The following SMARCC1 variants were observed in gnomAD, a reference collection of about 807,000 sequenced individuals.
SMARCC1 encodes SWI/SNF related BAF chromatin remodeling complex subunit C1.
In SMARCC1, 43 loss-of-function variants were observed where a neutral mutation model predicts 147.4. The ratio of observed to expected loss-of-function variants is 0.29; its 90% CI spans 0.23 to 0.38. The LOEUF is 0.38. Among genes scored for constraint, SMARCC1 ranks in the 10% least tolerant of loss-of-function variants. SMARCC1 has a pLI of 1.00. For missense variants in SMARCC1, 1,119 were observed against 1,381.1 expected (o/e 0.81, Z 3.01); for synonymous variants, 495 against 484.4 (o/e 1.02, Z -0.29).
rs921595116 is a variant in SMARCC1, at chr3:47,718,817, C to T, written c.716+1849G>A. ...GACAAGAATGAAATAAATACTAAAA[C>T]TGCTCTACTATAGGTTTAGAAAAAT... On this transcript the variant is annotated intron_variant, in intron 7 of 27. Coordinates refer to ENST00000254480, the MANE Select transcript of SMARCC1 (RefSeq NM_003074.4). Among the ~76,000 whole-genome samples, 4 of 152,168 alleles carry T rather than the reference C, an allele frequency of 2.6e-5. No individual in the cohort carries two copies. In the East Asian group the frequency reaches 7.7e-4, roughly 29 times the overall value.
intron 2 of SMARCC1, among the ~76,000 whole-genome samples, chr3:47,757,561 G>T (rs1399065825): frequency 2.0e-5 from 3 of 152,064 alleles, no homozygotes; most frequent in African/African-American, 7.2e-5. Context: ...TGGATCATGA[G>T]GTCAGGAGAT....
At chr3:47,726,370 T>C (rs1015060788) in intron 6 of SMARCC1, among the ~76,000 whole-genome samples, 6 of 151,260 alleles carry the variant, frequency 4.0e-5, no homozygotes, top group African/African-American at 1.2e-4. Flanking sequence ...AATTTAGCTC[T>C]ACATGGTGGA....
chr3:47,623,611 C>G lies in SMARCC1; in HGVS notation c.2647-1270G>C, dbSNP rs1388417973. ...AAACTACAATGAGCTACATCAATGACACCAAAACTTTAAATAAATATTATG... is the reference window on the plus strand; with the variant it reads ...AAACTACAATGAGCTACATCAATGAGACCAAAACTTTAAATAAATATTATG... On this transcript the variant is annotated intron_variant, in intron 24 of 27. Coordinates refer to ENST00000254480, the MANE Select transcript of SMARCC1 (RefSeq NM_003074.4). 3.9e-5 allele frequency among the ~76,000 whole-genome samples: 6 copies of G among 152,100 alleles called. No homozygotes were observed. In the East Asian group the frequency reaches 9.6e-4, roughly 24 times the overall value.
intron 4 of SMARCC1, 148 bp downstream of exon 4, chr3:47,737,881 C>T (rs1190093024): frequency 1.7e-5 from 6 of 350,584 alleles, no homozygotes; most frequent in African/African-American, 2.3e-5. Flanking sequence ...CCAGGATGGT[C>T]TCGATCTCCT....
At chr3:47,620,868 C>G (rs915766634) in intron 25 of SMARCC1, among the ~76,000 whole-genome samples, 3 of 152,216 alleles carry the variant, frequency 2.0e-5, no homozygotes, top group African/African-American at 4.8e-5. Flanking sequence ...AAGAAAATCT[C>G]TGAACACTTA....
intron 19 of SMARCC1, among the ~76,000 whole-genome samples, chr3:47,663,123 A>AAGGG (rs1245695093): frequency 2.8e-5 from 3 of 105,526 alleles, no homozygotes; most frequent in East Asian, 3.9e-4. Context: ...GGAGGGAAGG[A>AAGGG]AGGGAGGGAG....
intron 19 of SMARCC1, among the ~76,000 whole-genome samples, chr3:47,667,745 C>T (rs1293355975): frequency 1.3e-5 from 2 of 152,104 alleles, no homozygotes; most frequent in African/African-American, 4.8e-5. Context: ...GGCATGGTGG[C>T]GCGTGCCTGT....
At chr3:47,597,088 T>G (rs1272905103) in intron 26 of SMARCC1, among the ~76,000 whole-genome samples, 1 of 148,830 alleles carries the variant, frequency 6.7e-6, no homozygotes, top group South Asian at 2.1e-4. Context: ...GAGGCAGGAG[T>G]TGCAGTGAGC....
At chr3:47,679,340 G>A (rs1404344931) in intron 15 of SMARCC1, among the ~76,000 whole-genome samples, 1 of 152,058 alleles carries the variant, frequency 6.6e-6, no homozygotes, top group Non-Finnish European at 1.5e-5. Flanking sequence ...TGAATCACCA[G>A]GGAAAGACAA....
At chr3:47,720,770 GA>G in intron 6 of SMARCC1, 35 bp from the exon 7 acceptor site, 1 of 1,404,226 alleles carries the variant, frequency 7.1e-7, no homozygotes, top group South Asian at 1.2e-5. Context: ...TACTCAAACT[GA>G]CAAAATAATA....
At chr3:47,631,940 C>G (rs1332946062) in intron 24 of SMARCC1, among the ~76,000 whole-genome samples, 1 of 152,156 alleles carries the variant, frequency 6.6e-6, no homozygotes, top group Non-Finnish European at 1.5e-5. Context: ...CTGAAGGGTT[C>G]ACATGTGCCA....
intron 24 of SMARCC1, among the ~76,000 whole-genome samples, chr3:47,634,492 T>C (rs2032942339): frequency 6.6e-6 from 1 of 152,228 alleles, no homozygotes; most frequent in Non-Finnish European, 1.5e-5. Flanking sequence ...TGATTAGCAA[T>C]GTTCTAGTAA....
At chr3:47,731,551 G>A (rs975039217) in intron 5 of SMARCC1, among the ~76,000 whole-genome samples, 1 of 152,126 alleles carries the variant, frequency 6.6e-6, no homozygotes, top group African/African-American at 2.4e-5. Flanking sequence ...ACTAACTATA[G>A]CAGCTCTATC....
chr3:47,630,712 C>A lies in SMARCC1; in HGVS notation c.2646+4478G>T, dbSNP rs78985724. Among the ~76,000 whole-genome samples, 630 of 152,286 alleles carry A rather than the reference C, an allele frequency of 4.1e-3. 2 individuals carry two copies. Among genetic ancestry groups the A allele is most frequent in the African/African-American group, 0.015 (608 of 41,558 alleles). On this transcript the variant is annotated intron_variant, in intron 24 of 27. Transcript: ENST00000254480. ...CTTAGTGTAAATCAATTTCAATCAA[C>A]CCCTGTCCGTTAATACCTTGTGACT...
chr3:47,658,292 C>A (rs2033289746), intron 21 of SMARCC1, among the ~76,000 whole-genome samples: 1 of 152,178 alleles, frequency 6.6e-6, no homozygotes, highest in Admixed American at 6.5e-5. Context: ...ATGTAATTCA[C>A]ATAATATAAA....
chr3:47,596,967 A>T (rs1265635574), intron 26 of SMARCC1, among the ~76,000 whole-genome samples: 1 of 151,826 alleles, frequency 6.6e-6, no homozygotes, highest in African/African-American at 2.4e-5. Flanking sequence ...AGGCCGAGGC[A>T]GGCAGATGAC....
chr3:47,658,834 T>G (rs2033297637), intron 21 of SMARCC1, among the ~76,000 whole-genome samples: 1 of 152,120 alleles, frequency 6.6e-6, no homozygotes, highest in Admixed American at 6.6e-5. Context: ...AGAGACAGAA[T>G]GAGGGCTAGG....
intron 26 of SMARCC1, among the ~76,000 whole-genome samples, chr3:47,592,424 CT>C: frequency 6.6e-6 from 1 of 152,274 alleles, no homozygotes; most frequent in Non-Finnish European, 1.5e-5. Flanking sequence ...AAACATTATT[CT>C]TCTTTTGATA....
chr3:47,656,917 C>T (rs1172640568), intron 21 of SMARCC1, among the ~76,000 whole-genome samples: 1 of 151,960 alleles, frequency 6.6e-6, no homozygotes, highest in African/African-American at 2.4e-5. Context: ...CAGACTCCAT[C>T]TCAACAACAA....
Sources: gnomAD v4.1 joint callset for allele counts (sites outside exome capture counted in the v4.1 genomes callset) on GRCh38, gnomAD v4.1.1 for gene constraint, MANE v1.5 for transcripts, NCBI Gene and HGNC (gene_info 2026-07-23, HGNC 2026-07-21) for gene names.